ARAP1: variants seen among roughly 807,000 people sequenced by gnomAD.
ARAP1 encodes ArfGAP with RhoGAP domain, ankyrin repeat and PH domain 1.
A neutral mutation model predicts 172.2 loss-of-function variants in ARAP1; 76 were observed. The ratio of observed to expected loss-of-function variants is 0.44; its 90% CI spans 0.37 to 0.53. The LOEUF (loss-of-function observed/expected upper bound fraction) is 0.53. Ranked by LOEUF, ARAP1 falls within the 20% of genes least tolerant of loss-of-function variation. ARAP1 has a pLI of 0.00. For synonymous variants in ARAP1, 804 were observed against 803.3 expected, an observed-to-expected ratio of 1.00 and a Z score of -0.01; for missense variants, 1,686 against 1,977.5, an observed-to-expected ratio of 0.85 and a Z score of 2.80.
chr11:72,697,711 C>T, intron 19 of ARAP1, 62 bp from the exon 20 acceptor site: 13 of 1,599,068 alleles, frequency 8.1e-6, no homozygotes, highest in Non-Finnish European at 1.1e-5. Context: ...CCTGCTCCCT[C>T]CCTCTGTGAG....
chr11:72,707,558 C>T lies in ARAP1; in HGVS notation c.1524-184G>A, dbSNP rs118051105. 6.6e-3 allele frequency among the ~76,000 whole-genome samples: 1,009 copies of T among 152,240 alleles called. 8 individuals are homozygous for T. The highest frequency in any genetic ancestry group is 9.1e-3 in the Non-Finnish European group (622 of 68,030). ...GGCAAGGACAACAGGAACACAAGAG[C>T]GTATGGGGGCAGGGGAGCCCAGTGG... On this transcript the variant is annotated intron_variant, in intron 11 of 34. Coordinates refer to ENST00000393609, the MANE Select transcript of ARAP1 (RefSeq NM_001040118.3).
chr11:72,733,813 T>C (rs539448216), intron 1 of ARAP1, among the ~76,000 whole-genome samples: 66 of 152,352 alleles, frequency 4.3e-4, no homozygotes, highest in African/African-American at 1.6e-3. Flanking sequence ...ATACATTTTT[T>C]AAATATTTTA....
rs1174920088 is a variant in ARAP1, at chr11:72,693,520, G to C, written c.3809-50C>G. Reference sequence around the variant, plus strand: ...ACAGGCTGCACCAACCCCTACCCGGGGCTGGGTCCCAGGATGAAGGAAGCT... The same window carrying C: ...ACAGGCTGCACCAACCCCTACCCGGCGCTGGGTCCCAGGATGAAGGAAGCT... On this transcript the variant is annotated intron_variant, in intron 28 of 34. Transcript: ENST00000393609. The surrounding 1 kb of genome is among the most constrained non-coding windows in gnomAD (Gnocchi z 4.6). The C allele has an allele frequency of 1.3e-6, 2 of 1,584,576 alleles. No homozygotes were observed. Among genetic ancestry groups the C allele is most frequent in the Non-Finnish European group, 1.7e-6 (2 of 1,162,130 alleles).
chr11:72,749,890 C>A (rs546708550), intron 1 of ARAP1, among the ~76,000 whole-genome samples: 1 of 151,980 alleles, frequency 6.6e-6, no homozygotes, highest in South Asian at 2.1e-4. Context: ...AAAAAAGTTC[C>A]CTCTCCCTCT....
rs1856988895 is a variant in ARAP1, at chr11:72,711,001, CA to C, written c.1213+19del. On this transcript the variant is annotated intron_variant, in intron 9 of 34. Coordinates refer to ENST00000393609, the MANE Select transcript of ARAP1 (RefSeq NM_001040118.3). ...CTCTACCCTCTTCTACACACACACA[CA>C]ACACCCCACACTCCCCACCATCACT... The C allele has an allele frequency of 6.2e-7, 1 of 1,613,862 alleles. No individual in the cohort carries two copies. Among genetic ancestry groups the C allele is most frequent in the African/African-American group, 1.3e-5 (1 of 74,922 alleles).
Position 72,697,323 on chromosome 11 carries a change from C to T in ARAP1, c.2953G>A (p.Gly985Ser), listed in dbSNP as rs749272019. ...CTGGCACCCTAGGGGCAGGGCTCAC[C>T]GCACTGCGTGATGTAGTCCACACAG... The part of the protein sequence containing the change: ...YRCVDYITQC[G>S]LTSEGIYRKC... Residue 985 changes from glycine (G) to serine (S), a missense_variant and splice_region_variant, in exon 21 of 35, where the codon GGC (glycine) becomes AGC (serine). Around this residue, in one of 5 missense-constraint regions of ARAP1, gnomAD observed 274 missense variants for 262.7 expected, o/e 1.04. Transcript: ENST00000393609. 1.2e-5 allele frequency: 19 copies of T among 1,583,838 alleles called. No individual in the cohort carries two copies. Among genetic ancestry groups the T allele is most frequent in the Non-Finnish European group, 1.6e-5 (19 of 1,165,184 alleles).
chr11:72,697,189 G>C lies in ARAP1; in HGVS notation c.2960C>G (p.Thr987Ser), dbSNP rs748618580. The C allele has an allele frequency of 6.2e-7, 1 of 1,602,144 alleles. No homozygotes were observed. Among genetic ancestry groups the C allele is most frequent in the Admixed American group, 1.7e-5 (1 of 60,004 alleles). ...CVDYITQCGLTSEGIYRKCGQ... is the reference protein window; with the variant it reads ...CVDYITQCGLSSEGIYRKCGQ... ...ACACTTGCGGTAGATGCCCTCGGAG[G>C]TCAGGCCTAGGGAGGGGCGGGGCCA... The change falls in exon 22 of 35, where the codon ACC becomes AGC. Residue 987 changes from threonine (T) to serine (S), a missense_variant. Transcript: ENST00000393609.
In ARAP1 at chr11:72,685,535, G is replaced by T; in HGVS notation, c.*129C>A. Reference sequence around the variant, plus strand: ...ACCCCATGCTGCAGTCAGGATGGAGGATGTGGGTTGTGGGGTGCAGTTTCC... The same window carrying T: ...ACCCCATGCTGCAGTCAGGATGGAGTATGTGGGTTGTGGGGTGCAGTTTCC... On this transcript the variant is annotated 3_prime_UTR_variant, in exon 35 of 35. Coordinates refer to ENST00000393609, the MANE Select transcript of ARAP1 (RefSeq NM_001040118.3). The T allele has an allele frequency of 7.7e-7, 1 of 1,301,674 alleles. No homozygotes were observed. The highest frequency in any genetic ancestry group is 1.1e-6 in the Non-Finnish European group (1 of 904,342). The allele number at this position is 1,301,674 out of a possible 1,614,324, so 80.6% of individuals were successfully genotyped here. A position where few individuals can be genotyped will look rare whatever the true frequency, so the allele number is the denominator to read the frequency against.
rs1349447467 is a variant in ARAP1, at chr11:72,691,355, C to T, written c.3987+1398G>A. Among the ~76,000 whole-genome samples, 8 of 152,204 alleles carry T rather than the reference C, an allele frequency of 5.3e-5. No homozygotes were observed. The East Asian group carries it at 5.8e-4, about 11-fold the overall frequency. On this transcript the variant is annotated intron_variant, in intron 30 of 34. Transcript: ENST00000393609. Reference sequence around the variant, plus strand: ...TTCCTTCCATGCCCAGGGATCCACACGTCCCTTTCCAGGTACCTCAGCCAT... The same window carrying T: ...TTCCTTCCATGCCCAGGGATCCACATGTCCCTTTCCAGGTACCTCAGCCAT...
At chr11:72,709,736 G>T (rs1258036479) in intron 11 of ARAP1, 134 bp downstream of exon 11, 2 of 874,348 alleles carry the variant, frequency 2.3e-6, no homozygotes, top group East Asian at 2.4e-5. Flanking sequence ...CGGGAGAGGG[G>T]CTCCACAGGT....
At chr11:72,697,860 G>A in intron 19 of ARAP1, 51 bp downstream of exon 19, 8 of 1,505,820 alleles carry the variant, frequency 5.3e-6, no homozygotes, top group Non-Finnish European at 7.1e-6. Context: ...GGGCCTGGGA[G>A]CCCAGGATAG....
chr11:72,686,101 G>A lies in ARAP1; in HGVS notation c.4276C>T (p.Arg1426Ter), dbSNP rs759749576. The A allele has an allele frequency of 1.9e-6, 3 of 1,614,102 alleles. No homozygotes were observed. The highest frequency in any genetic ancestry group is 1.1e-5 in the South Asian group (1 of 91,092). The change falls in exon 34 of 35, where the codon CGA becomes TGA. Residue 1426 changes from arginine to a stop codon, truncating the protein, a stop_gained. Transcript: ENST00000393609. LOFTEE classifies it high-confidence loss of function. ...CGGCGCATTTCATTTTCACTACCTC[G>A]AAGGGGGATCAGTGACACACTACCC... is the stretch of plus-strand genomic sequence containing the variant. Reference protein sequence around the residue: ...RLGSVSLIPLRGSENEMRRSV... With the variant: ...RLGSVSLIPL
intron 32 of ARAP1, 67 bp from the exon 33 acceptor site, chr11:72,687,569 C>T: frequency 6.2e-7 from 1 of 1,612,958 alleles, no homozygotes; most frequent in Non-Finnish European, 8.5e-7. Context: ...CCGTGTCTGC[C>T]TTCCCAGCCC....
rs1007410621 is a variant in ARAP1 at position 72,729,374 on chromosome 11, C to G, written c.-44-2202G>C. Among the ~76,000 whole-genome samples, 4 of 152,180 alleles carry G rather than the reference C, an allele frequency of 2.6e-5. No individual in the cohort carries two copies. In the South Asian group the frequency reaches 8.3e-4, roughly 31 times the overall value. ...AGGGATGCTGAGGCAGGCAGATCCC[C>G]TGAGGTCAGGAGTTTGAGACCAGCT... On this transcript the variant is annotated intron_variant, in intron 2 of 34. Coordinates refer to ENST00000393609, the MANE Select transcript of ARAP1 (RefSeq NM_001040118.3).
chr11:72,739,991 G>T lies in ARAP1; in HGVS notation c.-127-7394C>A, dbSNP rs566357090. Among the ~76,000 whole-genome samples, 36 of 152,306 alleles carry T rather than the reference G, an allele frequency of 2.4e-4. No individual in the cohort carries two copies. In the South Asian group the frequency reaches 7.0e-3, roughly 30 times the overall value. On this transcript the variant is annotated intron_variant, in intron 1 of 34. Coordinates refer to ENST00000393609, the MANE Select transcript of ARAP1 (RefSeq NM_001040118.3). ...CTCCCATCATACAATGAACTCACCA[G>T]CTCCCCTTGGGGACTGTGGGGAGCA...
rs1174663322 is a variant in ARAP1 at position 72,726,652 on chromosome 11, C to A, written c.477G>T (p.Pro159=). 1 of 1,533,306 alleles carries A rather than the reference C, an allele frequency of 6.5e-7. No individual in the cohort carries two copies. 95.0% of individuals were successfully genotyped at this position (1,533,306 alleles called of 1,614,324 possible). A position where few individuals can be genotyped will look rare whatever the true frequency, so the allele number is the denominator to read the frequency against. The change falls in exon 3 of 35, where the codon CCG becomes CCT. Residue 159 remains proline, a synonymous_variant. Coordinates refer to ENST00000393609, the MANE Select transcript of ARAP1 (RefSeq NM_001040118.3). The surrounding 1 kb of genome is among the most constrained non-coding windows in gnomAD (Gnocchi z 6.5). ...HLAELSVPPV[P]PRTGPPRLLV... is the part of the protein sequence containing the mutation. Reference sequence around the variant, plus strand: ...GCAGGCGGGGGGGTCCGGTGCGGGGCGGCACGGGTGGAACGCTCAGCTCTG... The same window carrying A: ...GCAGGCGGGGGGGTCCGGTGCGGGGAGGCACGGGTGGAACGCTCAGCTCTG...
At position 72,726,323 on chromosome 11, in the gene ARAP1, G is replaced by A. The variant is rs1383034714; in HGVS notation, c.509+297C>T. Among the ~76,000 whole-genome samples the A allele has an allele frequency of 1.3e-5, 2 of 152,022 alleles. No homozygotes were observed. The highest frequency in any genetic ancestry group is 1.3e-4 in the Admixed American group (2 of 15,264). ...TCGACTTCCTCCCAAAGTCACTTCT[G>A]TCCTTGGGTCTCTGGATCAGTGATG... On this transcript the variant is annotated intron_variant, in intron 3 of 34. Coordinates refer to ENST00000393609, the MANE Select transcript of ARAP1 (RefSeq NM_001040118.3). This position sits in a 1 kb window ranked among gnomAD's most constrained non-coding sequence, Gnocchi z 6.5.
At chr11:72,707,101 G>A in intron 12 of ARAP1, 74 bp downstream of exon 12, 1 of 1,429,732 alleles carries the variant, frequency 7.0e-7, no homozygotes, top group Non-Finnish European at 9.4e-7. Flanking sequence ...CCCTCCTCCA[G>A]ATAGGATACC....
Position 72,699,646 on chromosome 11 carries a change from C to T in ARAP1, c.2303-94G>A. ...CCCGGGGCTCCTGCTCCCATCTGAC[C>T]CATGAGCTCTTCATTCTCTCAAGTT... On this transcript the variant is annotated intron_variant, in intron 16 of 34. Transcript: ENST00000393609. This position sits in a 1 kb window ranked among gnomAD's most constrained non-coding sequence, Gnocchi z 4.2. 1 of 1,472,528 alleles carries T rather than the reference C, an allele frequency of 6.8e-7. No homozygotes were observed. The highest frequency in any genetic ancestry group is 9.1e-7 in the Non-Finnish European group (1 of 1,097,622). The allele number at this position is 1,472,528 out of a possible 1,614,324, so 91.2% of individuals were successfully genotyped here.
Sources: gnomAD v4.1 joint callset for allele counts (sites outside exome capture counted in the v4.1 genomes callset) on GRCh38, gnomAD v4.1.1 for gene constraint, gnomAD v4.1.1 regional missense constraint, Gnocchi (gnomAD v3.1) non-coding constraint, MANE v1.5 for transcripts, NCBI Gene and HGNC (gene_info 2026-07-23, HGNC 2026-07-21) for gene names.